The following ATP1B4 variants were observed in gnomAD, a reference collection of about 807,000 sequenced individuals.
ATP1B4 encodes the protein ATPase Na+/K+ transporting family member beta 4.
ATP1B4 carries 32 observed loss-of-function variants against 29.6 expected under a neutral mutation model. That is an observed-to-expected ratio of 1.08 (90% CI 0.82 to 1.45). ATP1B4 has a LOEUF of 1.45. ATP1B4 is among the 40% of genes most tolerant of loss of function. The pLI is 0.00. For synonymous variants in ATP1B4, 127 were observed against 102.1 expected (o/e 1.24, Z -1.47); for missense variants, 323 against 276.2 (o/e 1.17, Z -1.20).
At chrX:120,365,072 C>G (rs909072826) in intron 1 of ATP1B4, among the ~76,000 whole-genome samples, 1 of 111,577 alleles carries the variant, frequency 9.0e-6, no homozygotes, top group Non-Finnish European at 1.9e-5. Context: ...TACCTCTAGG[C>G]ACTTGTGCTC....
At chrX:120,371,731 T>C (rs989534896) in intron 4 of ATP1B4, among the ~76,000 whole-genome samples, 1 of 112,278 alleles carries the variant, frequency 8.9e-6, no homozygotes, top group Non-Finnish European at 1.9e-5. Context: ...TGCAGTGGTT[T>C]GATCTCTGCT....
At chrX:120,366,889 C>A (rs2058289161) in intron 2 of ATP1B4, 100 bp downstream of exon 2, 2 of 1,111,396 alleles carry the variant, frequency 1.8e-6, no homozygotes, top group South Asian at 4.6e-5. Flanking sequence ...TGTCTGCAAA[C>A]TTCTCTTTGC....
chrX:120,364,883 A>AT (rs1162634972), intron 1 of ATP1B4, among the ~76,000 whole-genome samples: 80 of 109,988 alleles, frequency 7.3e-4, no homozygotes, highest in African/African-American at 2.1e-3. Context: ...TGCCTGGTTA[A>AT]TTTTTTTTTA....
chrX:120,377,411 G>A (rs770482962), intron 6 of ATP1B4, among the ~76,000 whole-genome samples: 5 of 112,473 alleles, frequency 4.4e-5, no homozygotes, highest in South Asian at 7.3e-4. Flanking sequence ...AAGGTAGGAA[G>A]CACATTCTGT....
chrX:120,371,514 C>G, intron 4 of ATP1B4, among the ~76,000 whole-genome samples: 1 of 111,756 alleles, frequency 8.9e-6, no homozygotes. Flanking sequence ...ATCCAGATGG[C>G]TCAATAATGA....
intron 2 of ATP1B4, among the ~76,000 whole-genome samples, chrX:120,367,307 T>C (rs2058290898): frequency 8.9e-6 from 1 of 112,271 alleles, no homozygotes. Flanking sequence ...CCAAGTGTTT[T>C]TATGAGGCCC....
chrX:120,378,856 G>A, intron 7 of ATP1B4, 83 bp downstream of exon 7: 1 of 891,590 alleles, frequency 1.1e-6, no homozygotes, highest in Non-Finnish European at 1.6e-6. Flanking sequence ...TGAGAATTAG[G>A]GAGCAGGAGA....
chrX:120,370,572 C>A (rs2058307857), intron 2 of ATP1B4, 143 bp from the exon 3 acceptor site: 4 of 727,093 alleles, frequency 5.5e-6, no homozygotes, highest in Non-Finnish European at 7.9e-6. Context: ...TTGGTGAAAT[C>A]TGAATAAGCA....
At chrX:120,377,478 C>T (rs1263873498) in intron 6 of ATP1B4, among the ~76,000 whole-genome samples, 1 of 112,068 alleles carries the variant, frequency 8.9e-6, no homozygotes, top group Non-Finnish European at 1.9e-5. Context: ...ACTATCCGAA[C>T]TGATTCCTCA....
At chrX:120,375,629 C>T (rs1602507767) in intron 5 of ATP1B4, 61 bp downstream of exon 5, 1 of 996,855 alleles carries the variant, frequency 1.0e-6, no homozygotes, top group Admixed American at 2.7e-5. Context: ...AGGGCTCTGG[C>T]CACTCCATTT....
At position 120,381,141 on chromosome X, in the gene ATP1B4, G is replaced by A. The variant is rs1324513940; in HGVS notation, c.*1507G>A. 3 of 112,348 alleles carry A rather than the reference G, an allele frequency of 2.7e-5. No homozygotes were observed. The highest frequency in any genetic ancestry group is 5.6e-5 in the Non-Finnish European group (3 of 53,311). The allele number at this position is 112,348 out of a possible 1,213,427, so 9.3% of individuals were successfully genotyped here. A position where few individuals can be genotyped will look rare whatever the true frequency, so the allele number is the denominator to read the frequency against. ...TAGTTTAATGAGAGTTAAAAAACTA[G>A]TATGTGGAAAGCTATGGGAATATGA... On this transcript the variant is annotated 3_prime_UTR_variant, in exon 8 of 8. Coordinates refer to ENST00000218008, the MANE Select transcript of ATP1B4 (RefSeq NM_001142447.3).
At position 120,362,288 on chromosome X, in the gene ATP1B4, T is replaced by A. The variant is rs1040714890; in HGVS notation, c.63+57T>A. The A allele has an allele frequency of 6.8e-5, 73 of 1,071,861 alleles. No individual in the cohort carries two copies. The African/African-American group carries it at 1.3e-3, about 19-fold the overall frequency. The allele number at this position is 1,071,861 out of a possible 1,213,427, so 88.3% of individuals were successfully genotyped here. On this transcript the variant is annotated intron_variant, in intron 1 of 7. Coordinates refer to ENST00000218008, the MANE Select transcript of ATP1B4 (RefSeq NM_001142447.3). ...CCCCTCCCCTTTTATTTTAATGGGG[T>A]GGGTTGGGGGCTGTGTAGACCTTGG...
At chrX:120,379,414 T>C in intron 7 of ATP1B4, 59 bp from the exon 8 acceptor site, 1 of 1,075,856 alleles carries the variant, frequency 9.3e-7, no homozygotes, top group Non-Finnish European at 1.3e-6. Context: ...AGTGATTATC[T>C]GATCACTTCC....
chrX:120,379,548 C>G lies in ATP1B4; in HGVS notation c.988C>G (p.Gln330Glu), dbSNP rs2058372550. 2 of 1,209,254 alleles carry G rather than the reference C, an allele frequency of 1.7e-6. No individual in the cohort carries two copies. Among genetic ancestry groups the G allele is most frequent in the African/African-American group, 3.5e-5 (2 of 57,127 alleles). Residue 330 changes from glutamine to glutamate, a missense_variant, in exon 8 of 8, where the codon CAA (glutamine) becomes GAA (glutamate). Physicochemically the swap from Gln to Glu is conservative, Grantham distance 29 (BLOSUM62 2). Coordinates refer to ENST00000218008, the MANE Select transcript of ATP1B4 (RefSeq NM_001142447.3). ...GAACCAAGCAGTGCCTGTGCAGTGC[C>G]AACTGAAGGGCAAAGGCGTCATAAA... ...VKNQAVPVQC[Q>E]LKGKGVINDV...
intron 1 of ATP1B4, among the ~76,000 whole-genome samples, chrX:120,363,868 T>C (rs1015187878): frequency 1.8e-5 from 2 of 112,215 alleles, no homozygotes; most frequent in African/African-American, 6.5e-5. Context: ...TCTATTGGAT[T>C]TTGTTAAATA....
At chrX:120,369,280 G>T (rs767091732) in intron 2 of ATP1B4, among the ~76,000 whole-genome samples, 1 of 112,006 alleles carries the variant, frequency 8.9e-6, no homozygotes, top group Admixed American at 9.4e-5. Flanking sequence ...AGGTGCTGTC[G>T]TTTATTCTCC....
chrX:120,372,450 A>G (rs1001459199), intron 4 of ATP1B4, among the ~76,000 whole-genome samples: 4 of 112,035 alleles, frequency 3.6e-5, no homozygotes, highest in Non-Finnish European at 7.5e-5. Context: ...GATCACGCTC[A>G]TTTTATAAAT....
Position 120,378,132 on chromosome X carries a change from A to G in ATP1B4, c.817-546A>G, listed in dbSNP as rs760097644. 6.3e-5 allele frequency among the ~76,000 whole-genome samples: 7 copies of G among 111,907 alleles called. No homozygotes were observed. The East Asian group carries it at 1.1e-3, about 18-fold the overall frequency. On this transcript the variant is annotated intron_variant, in intron 6 of 7. Transcript: ENST00000218008. ...AGAATATGGTCAGAGACATGAGTCT[A>G]GGTGAGCCAACTGTAGGCTGTGTGC...
chrX:120,371,071 G>A (rs1214538688), intron 3 of ATP1B4, 35 bp from the exon 4 acceptor site: 1 of 1,133,156 alleles, frequency 8.8e-7, no homozygotes, highest in Admixed American at 2.2e-5. Context: ...TCCCAAGAAT[G>A]GGTTAATATA....
Sources: gnomAD v4.1 joint callset for allele counts (sites outside exome capture counted in the v4.1 genomes callset) on GRCh38, gnomAD v4.1.1 for gene constraint, MANE v1.5 for transcripts, NCBI Gene and HGNC (gene_info 2026-07-23, HGNC 2026-07-21) for gene names.